Variants in LRRIQ1 observed in about 807,000 individuals in gnomAD.
LRRIQ1 encodes leucine-rich repeat- and IQ domain-containing protein 1.
A neutral mutation model predicts 211.9 loss-of-function variants in LRRIQ1; 210 were observed. The ratio of observed to expected loss-of-function variants is 0.99; its 90% CI spans 0.89 to 1.11. The LOEUF is 1.11. Ranked by LOEUF, LRRIQ1 falls within the 50% of genes most tolerant of loss-of-function variation. The pLI is 0.00. For missense variants in LRRIQ1, 2,136 were observed against 1,939.5 expected, an observed-to-expected ratio of 1.10 and a Z score of -1.90; for synonymous variants, 699 against 650.1, an observed-to-expected ratio of 1.08 and a Z score of -1.14.
chr12:85,198,025 A>G (rs1448273752), intron 24 of LRRIQ1, among the ~76,000 whole-genome samples: 6 of 71,304 alleles, frequency 8.4e-5, no homozygotes, highest in African/African-American at 7.3e-4. Context: ...TTATATTATT[A>G]TATATAACAT....
At chr12:85,059,011 T>C (rs1881469568) in intron 8 of LRRIQ1, among the ~76,000 whole-genome samples, 1 of 151,934 alleles carries the variant, frequency 6.6e-6, no homozygotes, top group African/African-American at 2.4e-5. Context: ...GTTAAGAAAA[T>C]ATCATCTTTT....
chr12:85,180,649 C>A (rs1195086925), intron 24 of LRRIQ1, among the ~76,000 whole-genome samples: 1 of 151,772 alleles, frequency 6.6e-6, no homozygotes, highest in Non-Finnish European at 1.5e-5. Context: ...TAAAATAATG[C>A]ATAACTCACA....
intron 24 of LRRIQ1, among the ~76,000 whole-genome samples, chr12:85,229,042 A>G (rs552713225): frequency 6.6e-6 from 1 of 152,286 alleles, no homozygotes; most frequent in African/African-American, 2.4e-5. Flanking sequence ...ATGAAATACT[A>G]TAGTAGCTTA....
At position 85,056,313 on chromosome 12, in the gene LRRIQ1, A is replaced by T; in HGVS notation, c.1520A>T (p.Asp507Val). 1 of 1,594,558 alleles carries T rather than the reference A, an allele frequency of 6.3e-7. No homozygotes were observed. Among genetic ancestry groups the T allele is most frequent in the Non-Finnish European group, 8.5e-7 (1 of 1,174,946 alleles). ...CAAGAAAGAAAATATGAAAATACAGATAACAAAACTGAATTGGGAAACTCT... is the reference window on the plus strand; with the variant it reads ...CAAGAAAGAAAATATGAAAATACAGTTAACAAAACTGAATTGGGAAACTCT... ...VKQERKYENT[D>V]NKTELGNSDL... The change falls in exon 8 of 27, where the codon GAT (aspartate) becomes GTT (valine). Residue 507 changes from aspartate to valine, a missense_variant. By Grantham distance (152) the Asp-to-Val change is radical. Transcript: ENST00000393217.
chr12:85,066,965 C>T, intron 10 of LRRIQ1, 67 bp downstream of exon 10: 1 of 909,510 alleles, frequency 1.1e-6, no homozygotes, highest in Non-Finnish European at 1.5e-6. Context: ...TTATTTATTC[C>T]TTTTTAGGAG....
intron 15 of LRRIQ1, among the ~76,000 whole-genome samples, chr12:85,113,061 G>A (rs532830720): frequency 3.3e-5 from 5 of 152,120 alleles, no homozygotes; most frequent in African/African-American, 1.2e-4. Context: ...GTGCCCTTTG[G>A]ATGCATATGG....
intron 24 of LRRIQ1, among the ~76,000 whole-genome samples, chr12:85,203,008 GT>G (rs1346056776): frequency 1.3e-5 from 2 of 152,048 alleles, no homozygotes; most frequent in African/African-American, 4.8e-5. Flanking sequence ...TTGGCTCTGT[GT>G]CCCCACACAA....
chr12:85,167,527 G>T (rs1891212564), intron 24 of LRRIQ1, among the ~76,000 whole-genome samples: 1 of 152,112 alleles, frequency 6.6e-6, no homozygotes, highest in South Asian at 2.1e-4. Context: ...ATGTTCTAGG[G>T]CAGGAAGCAT....
At chr12:85,260,148 A>AG (rs1344681144) in intron 1 of LRRIQ1, among the ~76,000 whole-genome samples, 1 of 150,248 alleles carries the variant, frequency 6.7e-6, no homozygotes, top group Non-Finnish European at 1.5e-5. Context: ...AAAAAAAAAA[A>AG]AAGCTTATAT....
At chr12:85,045,050 A>G (rs1047135552) in intron 4 of LRRIQ1, among the ~76,000 whole-genome samples, 2 of 151,974 alleles carry the variant, frequency 1.3e-5, no homozygotes, top group African/African-American at 4.8e-5. Flanking sequence ...CTGGCAATTT[A>G]ATGTGCATGT....
At chr12:85,110,083 C>T (rs138946826) in intron 15 of LRRIQ1, among the ~76,000 whole-genome samples, 184 of 152,122 alleles carry the variant, frequency 1.2e-3, no homozygotes, top group African/African-American at 4.3e-3. Flanking sequence ...ATTCTTAGAA[C>T]GTGGTAAGAT....
intron 10 of LRRIQ1, among the ~76,000 whole-genome samples, chr12:85,069,849 A>G (rs1882881592): frequency 6.6e-6 from 1 of 152,118 alleles, no homozygotes; most frequent in African/African-American, 2.4e-5. Flanking sequence ...GCCCTTTGTC[A>G]GATGAGTAGG....
chr12:85,244,211 TTAAA>T (rs1444404839), intron 26 of LRRIQ1, among the ~76,000 whole-genome samples: 1 of 151,544 alleles, frequency 6.6e-6, no homozygotes, highest in African/African-American at 2.4e-5. Flanking sequence ...TTTATGTTCA[TTAAA>T]TAATGTCCTG....
At chr12:85,196,227 A>G (rs1485637668) in intron 24 of LRRIQ1, among the ~76,000 whole-genome samples, 1 of 152,116 alleles carries the variant, frequency 6.6e-6, no homozygotes, top group East Asian at 1.9e-4. Flanking sequence ...GGAAGAATCA[A>G]TATCGTGAAA....
chr12:85,193,811 C>G (rs1172261136), intron 24 of LRRIQ1, among the ~76,000 whole-genome samples: 1 of 147,610 alleles, frequency 6.8e-6, no homozygotes, highest in African/African-American at 2.5e-5. Context: ...GGATCAAATT[C>G]ACACATAACA....
At chr12:85,270,368 T>A in the LRRIQ1 span, among the ~76,000 whole-genome samples, 2 of 151,850 alleles carry the variant, frequency 1.3e-5, no homozygotes, top group Non-Finnish European at 2.9e-5. Context: ...TCATGGAAAA[T>A]TTATGTTAGA....
Position 85,038,288 on chromosome 12 carries a change from C to G in LRRIQ1, c.112C>G (p.Gln38Glu). The G allele has an allele frequency of 8.2e-6, 13 of 1,580,362 alleles. No homozygotes were observed. The highest frequency in any genetic ancestry group is 1.1e-5 in the Non-Finnish European group (13 of 1,161,544). Residue 38 changes from glutamine (Q) to glutamate (E), a missense_variant, in exon 2 of 27, where the codon CAG (glutamine) becomes GAG (glutamate). Gln to Glu is a conservative substitution (Grantham distance 29). Transcript: ENST00000393217. Reference sequence around the variant, plus strand: ...TGAGAGTGATGCAAAATCAGAAACCCAGAGTGATGATAGTGATACAGTGAG... The same window carrying G: ...TGAGAGTGATGCAAAATCAGAAACCGAGAGTGATGATAGTGATACAGTGAG... ...DIESDAKSETQSDDSDTDSVE... is the reference protein window; with the variant it reads ...DIESDAKSETESDDSDTDSVE...
chr12:85,045,734 T>G (rs979967801), intron 4 of LRRIQ1, among the ~76,000 whole-genome samples: 4 of 151,866 alleles, frequency 2.6e-5, no homozygotes, highest in Non-Finnish European at 5.9e-5. Context: ...TTTGAAGTGA[T>G]TGTCAGATGG....
At chr12:85,052,413 A>G (rs1361468027) in intron 7 of LRRIQ1, among the ~76,000 whole-genome samples, 162 bp downstream of exon 7, 1 of 152,092 alleles carries the variant, frequency 6.6e-6, no homozygotes, top group African/African-American at 2.4e-5. Flanking sequence ...ACTCCTTGAA[A>G]TAGAATGTCT....
Sources: allele counts gnomAD v4.1 joint callset (sites outside exome capture counted in the v4.1 genomes callset), GRCh38; gene constraint gnomAD v4.1.1; transcripts MANE v1.5; gene names NCBI Gene and HGNC (gene_info 2026-07-23, HGNC 2026-07-21).